The following NPHP4 variants were observed in gnomAD, a reference collection of about 807,000 sequenced individuals.
NPHP4 encodes nephrocystin 4, also known as nephrocystin-4.
A neutral mutation model predicts 155.8 loss-of-function variants in NPHP4; 151 were observed. The observed-to-expected ratio is 0.97, with a 90% confidence interval of 0.85 to 1.11. NPHP4 has a LOEUF of 1.11. NPHP4 is among the 50% of genes least tolerant of loss of function. NPHP4 has a pLI of 0.00. For missense variants in NPHP4, 1,956 were observed against 1,925.7 expected, an observed-to-expected ratio of 1.02 and a Z score of -0.29; for synonymous variants, 845 against 816.8, an observed-to-expected ratio of 1.03 and a Z score of -0.59.
At chr1:5,977,194 T>C (rs1653763164) in intron 3 of NPHP4, among the ~76,000 whole-genome samples, 1 of 152,038 alleles carries the variant, frequency 6.6e-6, no homozygotes, top group Non-Finnish European at 1.5e-5. Flanking sequence ...TCGCCGGCTG[T>C]TAAGAGTCAA....
intron 7 of NPHP4, among the ~76,000 whole-genome samples, chr1:5,951,519 A>C (rs1236008397): frequency 6.6e-6 from 1 of 151,816 alleles, no homozygotes; most frequent in African/African-American, 2.4e-5. Context: ...TCTTCTCCCT[A>C]CTCCATCTGG....
intron 9 of NPHP4, among the ~76,000 whole-genome samples, chr1:5,939,001 C>T (rs1477458084): frequency 6.6e-6 from 1 of 152,124 alleles, no homozygotes; most frequent in African/African-American, 2.4e-5. Flanking sequence ...AAACATAATG[C>T]TATAAATAGA....
intron 1 of NPHP4, among the ~76,000 whole-genome samples, chr1:5,987,013 C>T (rs1655586896): frequency 6.6e-6 from 1 of 152,016 alleles, no homozygotes; most frequent in Admixed American, 6.5e-5. Flanking sequence ...TTAGGACACA[C>T]ATAAAAACAA....
intron 16 of NPHP4, among the ~76,000 whole-genome samples, chr1:5,900,623 T>C (rs1196519069): frequency 6.6e-6 from 1 of 152,184 alleles, no homozygotes; most frequent in Non-Finnish European, 1.5e-5. Context: ...TCATGGTGGA[T>C]CCATGATGTC....
chr1:5,920,451 T>G (rs1407564130), intron 11 of NPHP4, among the ~76,000 whole-genome samples: 1 of 152,128 alleles, frequency 6.6e-6, no homozygotes, highest in East Asian at 1.9e-4. Context: ...GGCGGCCCCG[T>G]GTTAATTGAA....
At chr1:5,985,225 G>A (rs1022474584) in intron 2 of NPHP4, among the ~76,000 whole-genome samples, 1 of 152,218 alleles carries the variant, frequency 6.6e-6, no homozygotes, top group African/African-American at 2.4e-5. Context: ...AGAGGAAAAC[G>A]GCCTTGCCAA....
At chr1:5,981,637 T>C (rs1263459536) in intron 2 of NPHP4, among the ~76,000 whole-genome samples, 1 of 152,202 alleles carries the variant, frequency 6.6e-6, no homozygotes, top group Admixed American at 6.5e-5. Context: ...CAACTAAAAT[T>C]ATACAAACTT....
chr1:5,879,966 C>G (rs1643089791), intron 19 of NPHP4, 148 bp downstream of exon 19: 2 of 953,390 alleles, frequency 2.1e-6, no homozygotes, highest in East Asian at 5.3e-5. Flanking sequence ...CAGTCCCGTC[C>G]TAGACGCAGA....
At chr1:5,991,460 C>T (rs1159963292) in intron 1 of NPHP4, 1 of 152,242 alleles carries the variant, frequency 6.6e-6, no homozygotes, top group Non-Finnish European at 1.5e-5. Context: ...GCTGGATTTC[C>T]TTCACAGACG....
In NPHP4 at chr1:5,868,912, CCA is replaced by C. The variant is rs560910070; in HGVS notation, c.3316-1018_3316-1017del. Among the ~76,000 whole-genome samples the C allele has an allele frequency of 7.9e-5, 11 of 138,526 alleles. No homozygotes were observed. The East Asian group carries it at 1.5e-3, about 19-fold the overall frequency. 90.9% of individuals were successfully genotyped at this position (138,526 alleles called of 152,430 possible). A position where few individuals can be genotyped will look rare whatever the true frequency, so the allele number is the denominator to read the frequency against. ...CATATGCACGCCCACATGCATGCAC[CCA>C]CACATGTACACACATGCATGCACCC... On this transcript the variant is annotated intron_variant, in intron 23 of 29. Transcript: ENST00000378156.
intron 3 of NPHP4, among the ~76,000 whole-genome samples, chr1:5,974,942 A>G (rs1653267590): frequency 6.6e-6 from 1 of 152,154 alleles, no homozygotes; most frequent in Non-Finnish European, 1.5e-5. Flanking sequence ...CCCCAAACCA[A>G]TGCTGATAGG....
intron 16 of NPHP4, among the ~76,000 whole-genome samples, chr1:5,891,784 C>T (rs191845744): frequency 1.3e-5 from 2 of 152,380 alleles, no homozygotes; most frequent in Non-Finnish European, 2.9e-5. Context: ...TTACTCAGCA[C>T]CTCCAGTGCC....
intron 2 of NPHP4, among the ~76,000 whole-genome samples, chr1:5,984,982 C>T (rs1655253014): frequency 6.6e-6 from 1 of 152,116 alleles, no homozygotes; most frequent in Admixed American, 6.5e-5. Flanking sequence ...TGGTGGCAGC[C>T]TCATAGAGCT....
At chr1:5,926,059 A>T (rs1645988506) in intron 11 of NPHP4, among the ~76,000 whole-genome samples, 1 of 152,224 alleles carries the variant, frequency 6.6e-6, no homozygotes, top group Non-Finnish European at 1.5e-5. Flanking sequence ...AAATGCATGC[A>T]TGCCTACCAC....
intron 2 of NPHP4, among the ~76,000 whole-genome samples, chr1:5,983,015 G>A (rs2102422211): frequency 6.6e-6 from 1 of 152,296 alleles, no homozygotes; most frequent in Non-Finnish European, 1.5e-5. Context: ...GTGTTTAAGA[G>A]ATGACAGGGT....
At chr1:5,877,023 GGA>G in intron 20 of NPHP4, 68 bp downstream of exon 20, 2 of 1,040,702 alleles carry the variant, frequency 1.9e-6, no homozygotes, top group Non-Finnish European at 2.5e-6. Flanking sequence ...TGGGAGGCAG[GGA>G]AAGGATGTGC....
At chr1:5,909,418 C>T (rs889686271) in intron 11 of NPHP4, among the ~76,000 whole-genome samples, 1 of 152,182 alleles carries the variant, frequency 6.6e-6, no homozygotes, top group Non-Finnish European at 1.5e-5. Flanking sequence ...CTGGCATGCA[C>T]CAGCAGCCAG....
At chr1:5,872,076 T>C (rs1642065610) in intron 23 of NPHP4, among the ~76,000 whole-genome samples, 1 of 152,204 alleles carries the variant, frequency 6.6e-6, no homozygotes, top group Admixed American at 6.5e-5. Context: ...CACCTGAAAG[T>C]GCAGCTGCCA....
intron 26 of NPHP4, 50 bp from the exon 27 acceptor site, chr1:5,865,323 G>A (rs553363916): frequency 2.8e-5 from 41 of 1,446,548 alleles, no homozygotes; most frequent in Admixed American, 1.1e-4. Context: ...ACTCAGCACC[G>A]GCCCACGAGA....
Sources: allele counts gnomAD v4.1 joint callset (sites outside exome capture counted in the v4.1 genomes callset), GRCh38; gene constraint gnomAD v4.1.1; transcripts MANE v1.5; gene names NCBI Gene and HGNC (gene_info 2026-07-23, HGNC 2026-07-21).